Variants in SCAPER observed in about 807,000 individuals in gnomAD.
SCAPER encodes S phase cyclin A-associated protein in the endoplasmic reticulum.
Under a neutral mutation model 182.2 loss-of-function variants are expected in SCAPER, and 98 were observed. The ratio of observed to expected loss-of-function variants is 0.54; its 90% CI spans 0.46 to 0.64. The LOEUF (loss-of-function observed/expected upper bound fraction) is 0.64, where lower values mean the gene tolerates loss of function less well. SCAPER is among the 30% of genes least tolerant of loss of function. The probability of loss-of-function intolerance (pLI) is 0.00; values close to 1 mark genes in which losing one functional copy is unlikely to be tolerated. For synonymous variants in SCAPER, 605 were observed against 564.6 expected (o/e 1.07, Z -1.01); for missense variants, 1,432 against 1,690.0 (o/e 0.85, Z 2.68).
intron 27 of SCAPER, chr15:76,385,036 G>A (rs1243103681): frequency 2.0e-5 from 3 of 152,144 alleles, no homozygotes; most frequent in Non-Finnish European, 4.4e-5. Flanking sequence ...CAGATTTTAA[G>A]GTGTTTTTGT....
At chr15:76,752,871 A>T (rs1484588856) in intron 15 of SCAPER, among the ~76,000 whole-genome samples, 1 of 150,760 alleles carries the variant, frequency 6.6e-6, no homozygotes, top group Admixed American at 6.6e-5. Flanking sequence ...TCAGATGATA[A>T]ATTTTACATT....
intron 29 of SCAPER, among the ~76,000 whole-genome samples, chr15:76,357,169 C>CACACACACACAT (rs1223698170): frequency 6.6e-6 from 1 of 151,366 alleles, no homozygotes; most frequent in Non-Finnish European, 1.5e-5. Flanking sequence ...CACACACACA[C>CACACACACACAT]ACACACACAC....
chr15:76,672,169 A>G (rs528896979), intron 20 of SCAPER, among the ~76,000 whole-genome samples: 2 of 152,322 alleles, frequency 1.3e-5, no homozygotes, highest in East Asian at 3.9e-4. Flanking sequence ...AGAACAGGAA[A>G]ACAGAACCAG....
intron 26 of SCAPER, among the ~76,000 whole-genome samples, chr15:76,409,525 T>C (rs189663003): frequency 6.6e-6 from 1 of 152,178 alleles, no homozygotes; most frequent in Non-Finnish European, 1.5e-5. Context: ...GTGTATACGA[T>C]GTTCACTATT....
intron 20 of SCAPER, among the ~76,000 whole-genome samples, chr15:76,675,171 A>G (rs1386387204): frequency 7.9e-5 from 12 of 152,264 alleles, no homozygotes; most frequent in African/African-American, 2.7e-4. Context: ...TCACCATAAT[A>G]GTTTACAAAA....
intron 21 of SCAPER, among the ~76,000 whole-genome samples, chr15:76,655,535 T>G (rs963176066): frequency 1.3e-5 from 2 of 152,030 alleles, no homozygotes; most frequent in Non-Finnish European, 2.9e-5. Context: ...TTCAAGAAAC[T>G]CAGAGAACCC....
At position 76,753,794 on chromosome 15, in the gene SCAPER, C is replaced by T. The variant is rs775527268; in HGVS notation, c.1866+14G>A. 1 of 1,606,182 alleles carries T rather than the reference C, an allele frequency of 6.2e-7. No individual in the cohort carries two copies. Among genetic ancestry groups the T allele is most frequent in the Admixed American group, 1.7e-5 (1 of 59,330 alleles). On this transcript the variant is annotated intron_variant, in intron 15 of 31. Coordinates refer to ENST00000563290, the MANE Select transcript of SCAPER (RefSeq NM_020843.4). ...TGGGTAATTAAGTCAACATTTAAAG[C>T]TCTTATGATATACCTTAGCTTCTTC...
chr15:76,831,749 C>T (rs935164440), intron 5 of SCAPER, among the ~76,000 whole-genome samples: 6 of 152,152 alleles, frequency 3.9e-5, no homozygotes, highest in Admixed American at 2.0e-4. Context: ...ATGTGGTTGT[C>T]AGCTGACTGG....
chr15:76,580,885 G>C (rs191286954), intron 22 of SCAPER, among the ~76,000 whole-genome samples: 1 of 151,960 alleles, frequency 6.6e-6, no homozygotes, highest in Non-Finnish European at 1.5e-5. Context: ...TTTTTGAAAA[G>C]ATAAACAAAA....
At chr15:76,767,164 C>T (rs1057252603) in intron 10 of SCAPER, 76 bp from the exon 11 acceptor site, 186 of 1,311,524 alleles carry the variant, frequency 1.4e-4, no homozygotes, top group Non-Finnish European at 1.8e-4. Context: ...TATGTTCTAA[C>T]ATGAACTCAA....
At chr15:76,871,554 G>A (rs146839479) in intron 2 of SCAPER, among the ~76,000 whole-genome samples, 7 of 148,862 alleles carry the variant, frequency 4.7e-5, no homozygotes, top group East Asian at 2.0e-4. Flanking sequence ...TGCGGCTGGC[G>A]TTATCTGTTA....
chr15:76,726,806 G>A (rs992411605), intron 17 of SCAPER, among the ~76,000 whole-genome samples: 20 of 151,986 alleles, frequency 1.3e-4, no homozygotes, highest in Admixed American at 1.3e-3. Flanking sequence ...ACAGAAAGTA[G>A]CATGACGATT....
At chr15:76,611,873 G>T (rs1256114254) in intron 22 of SCAPER, among the ~76,000 whole-genome samples, 1 of 152,084 alleles carries the variant, frequency 6.6e-6, no homozygotes, top group Non-Finnish European at 1.5e-5. Context: ...TGCAGAAATG[G>T]CTTTTGATAA....
chr15:76,796,694 A>C (rs1367224482), intron 7 of SCAPER, among the ~76,000 whole-genome samples: 1 of 152,218 alleles, frequency 6.6e-6, no homozygotes, highest in Non-Finnish European at 1.5e-5. Context: ...TGAGTGTTAC[A>C]ATAAACCATA....
At chr15:76,708,961 C>G (rs1373335047) in intron 17 of SCAPER, among the ~76,000 whole-genome samples, 6 of 151,918 alleles carry the variant, frequency 3.9e-5, no homozygotes, top group South Asian at 2.1e-4. Context: ...AGCTACTTGG[C>G]AGGCCAAGGC....
intron 22 of SCAPER, among the ~76,000 whole-genome samples, chr15:76,588,426 T>C (rs796271422): frequency 2.0e-5 from 3 of 152,356 alleles, no homozygotes; most frequent in African/African-American, 7.2e-5. Context: ...CTATTCGCTT[T>C]TGGTTTCCAT....
chr15:76,454,317 G>A (rs1207792367), intron 25 of SCAPER, among the ~76,000 whole-genome samples: 1 of 152,068 alleles, frequency 6.6e-6, no homozygotes, highest in Non-Finnish European at 1.5e-5. Flanking sequence ...GTATTTGACC[G>A]CTTGTTTGAG....
chr15:76,815,932 A>G (rs2067041894), intron 5 of SCAPER, among the ~76,000 whole-genome samples: 1 of 152,222 alleles, frequency 6.6e-6, no homozygotes, highest in South Asian at 2.1e-4. Flanking sequence ...CAAGAGTAAC[A>G]CAATGTTAAG....
intron 6 of SCAPER, among the ~76,000 whole-genome samples, chr15:76,800,588 G>T (rs1346980660): frequency 6.6e-6 from 1 of 152,132 alleles, no homozygotes; most frequent in Admixed American, 6.5e-5. Context: ...ATTTTCTACC[G>T]ACTGCAGCAC....
Sources: gnomAD v4.1 joint callset for allele counts (sites outside exome capture counted in the v4.1 genomes callset) on GRCh38, gnomAD v4.1.1 for gene constraint, MANE v1.5 for transcripts, NCBI Gene and HGNC (gene_info 2026-07-23, HGNC 2026-07-21) for gene names.